KLHL5: variants seen among roughly 807,000 people sequenced by gnomAD.
KLHL5 encodes kelch-like protein 5.
KLHL5 carries 48 observed loss-of-function variants against 77.7 expected under a neutral mutation model. The ratio of observed to expected loss-of-function variants is 0.62; its 90% CI spans 0.49 to 0.79. The LOEUF is 0.79. Ranked by LOEUF, KLHL5 falls within the 30% of genes least tolerant of loss-of-function variation. The probability of loss-of-function intolerance (pLI) is 0.00; values close to 1 mark genes in which losing one functional copy is unlikely to be tolerated. For synonymous variants in KLHL5, 260 were observed against 297.0 expected (o/e 0.88, Z 1.28); for missense variants, 723 against 859.7 (o/e 0.84, Z 1.99).
chr4:39,088,898 AG>A (rs767027688), intron 5 of KLHL5, among the ~76,000 whole-genome samples: 66 of 152,286 alleles, frequency 4.3e-4, no homozygotes, highest in Non-Finnish European at 4.7e-4. Flanking sequence ...CAGAAATAAA[AG>A]GGGATAAAGT....
downstream of KLHL5, among the ~76,000 whole-genome samples, chr4:39,127,579 C>T (rs1325905662): frequency 6.6e-6 from 1 of 152,044 alleles, no homozygotes; most frequent in African/African-American, 2.4e-5. Context: ...CTCAGCCTCT[C>T]AGTAGCTGGG....
intron 2 of KLHL5, among the ~76,000 whole-genome samples, chr4:39,079,258 A>G (rs1719386600): frequency 6.6e-6 from 1 of 152,290 alleles, no homozygotes; most frequent in East Asian, 1.9e-4. Flanking sequence ...TACCTGAGTG[A>G]TCCTTTAAAG....
intron 7 of KLHL5, among the ~76,000 whole-genome samples, chr4:39,103,967 T>A (rs1231781340): frequency 1.0e-5 from 1 of 97,756 alleles, no homozygotes; most frequent in African/African-American, 4.2e-5. Flanking sequence ...TGGCAAAACA[T>A]CTATCTCAAA....
chr4:39,067,030 T>C (rs553207301), intron 1 of KLHL5, among the ~76,000 whole-genome samples: 1 of 152,358 alleles, frequency 6.6e-6, no homozygotes, highest in Admixed American at 6.5e-5. Context: ...ATTAATATGG[T>C]GCATGGGTTA....
At chr4:39,137,120 T>C in the KLHL5 span, among the ~76,000 whole-genome samples, 1 of 152,196 alleles carries the variant, frequency 6.6e-6, no homozygotes, top group Admixed American at 6.5e-5. Flanking sequence ...TTCGGCATAT[T>C]GTTGTAAACT....
chr4:39,137,112 C>A, the KLHL5 span, among the ~76,000 whole-genome samples: 1 of 151,988 alleles, frequency 6.6e-6, no homozygotes. Flanking sequence ...AATTGGAATT[C>A]GGCATATTGT....
At chr4:39,099,716 C>T (rs768962154) in intron 6 of KLHL5, among the ~76,000 whole-genome samples, 16 of 152,278 alleles carry the variant, frequency 1.1e-4, no homozygotes, top group Non-Finnish European at 1.9e-4. Flanking sequence ...AATAGCAACC[C>T]CCGACTACCA....
chr4:39,130,193 T>G (rs976931384), downstream of KLHL5, among the ~76,000 whole-genome samples: 1 of 152,202 alleles, frequency 6.6e-6, no homozygotes, highest in Admixed American at 6.6e-5. Flanking sequence ...CCCACATACT[T>G]ATTAACAGCA....
At chr4:39,102,307 G>GT (rs1051914839) in intron 6 of KLHL5, among the ~76,000 whole-genome samples, 171 of 144,540 alleles carry the variant, frequency 1.2e-3, no homozygotes, top group Middle Eastern at 7.4e-3. Context: ...AGAGGGTTTT[G>GT]TTTTTTTTGT....
At chr4:39,047,410 T>TC (rs1311731062) in intron 1 of KLHL5, among the ~76,000 whole-genome samples, 1 of 152,168 alleles carries the variant, frequency 6.6e-6, no homozygotes, top group Admixed American at 6.5e-5. Flanking sequence ...AGAGTGAGAC[T>TC]CCATCTCAAA....
chr4:39,091,050 C>T (rs1215823938), intron 5 of KLHL5, among the ~76,000 whole-genome samples: 2 of 148,248 alleles, frequency 1.3e-5, no homozygotes, highest in Admixed American at 6.8e-5. Flanking sequence ...TGCAGTGACA[C>T]GATCTCTGCT....
rs1237092996 is a variant in KLHL5, at chr4:39,082,132, G to T, written c.873G>T (p.Leu291Phe). 6.2e-7 allele frequency: 1 copy of T among 1,606,374 alleles called. No individual in the cohort carries two copies. The highest frequency in any genetic ancestry group is 1.1e-5 in the South Asian group (1 of 89,336). ...CTGATGCCCAAGGTTGTACAGATTTGCATAAAGTGGCTCACAATTATACTA... is the reference window on the plus strand; with the variant it reads ...CTGATGCCCAAGGTTGTACAGATTTTCATAAAGTGGCTCACAATTATACTA... The part of the protein sequence containing the change: ...SFADAQGCTD[L>F]HKVAHNYTME... The change falls in exon 4 of 11, where the codon TTG becomes TTT. Residue 291 changes from leucine to phenylalanine, a missense_variant. Leu to Phe is a conservative substitution (Grantham distance 22). This residue lies in a region of KLHL5 where 288 missense variants were observed against 400.3 expected (regional missense o/e 0.72). Coordinates refer to ENST00000504108, the MANE Select transcript of KLHL5 (RefSeq NM_015990.5).
chr4:39,069,430 TTATATATATA>T (rs60740721), intron 1 of KLHL5, among the ~76,000 whole-genome samples: 152 of 30,348 alleles, frequency 5.0e-3, no homozygotes, highest in East Asian at 7.8e-3. Context: ...TATTAACATT[TTATATATATA>T]TATATATATA....
chr4:39,066,037 C>T (rs1456876701), intron 1 of KLHL5, among the ~76,000 whole-genome samples: 1 of 152,172 alleles, frequency 6.6e-6, no homozygotes, highest in Non-Finnish European at 1.5e-5. Flanking sequence ...TCTTAGACTT[C>T]TGGTAATTTC....
chr4:39,082,676 A>G (rs1719718594), intron 4 of KLHL5, among the ~76,000 whole-genome samples: 1 of 152,348 alleles, frequency 6.6e-6, no homozygotes, highest in Non-Finnish European at 1.5e-5. Flanking sequence ...AGAGGTTCTG[A>G]TTCAGTAGCC....
In KLHL5 at chr4:39,125,555, A is replaced by T. The variant is rs764172591; in HGVS notation, c.*4489A>T. On this transcript the variant is annotated 3_prime_UTR_variant, in exon 11 of 11. Coordinates refer to ENST00000504108, the MANE Select transcript of KLHL5 (RefSeq NM_015990.5). The stretch of plus-strand genomic sequence containing the variant: ...ACTGATACATGCTAAAGCATGGATG[A>T]GCCTTGAGCGCATTTTTGCCAAGTG... Among the ~76,000 whole-genome samples the T allele has an allele frequency of 6.6e-6, 1 of 152,228 alleles. No individual in the cohort carries two copies. Among genetic ancestry groups the T allele is most frequent in the African/African-American group, 2.4e-5 (1 of 41,458 alleles).
At chr4:39,113,483 G>T (rs1722608316) in intron 9 of KLHL5, among the ~76,000 whole-genome samples, 1 of 152,168 alleles carries the variant, frequency 6.6e-6, no homozygotes, top group Non-Finnish European at 1.5e-5. Flanking sequence ...AAGAAGAGGA[G>T]CTTGATGAAT....
intron 7 of KLHL5, 104 bp from the exon 8 acceptor site, chr4:39,107,465 C>T (rs1176693010): frequency 3.4e-6 from 2 of 580,444 alleles, no homozygotes; most frequent in African/African-American, 4.3e-5. Flanking sequence ...TTACTCAGTT[C>T]TATTTGTATG....
At chr4:39,113,530 A>G (rs965172124) in intron 9 of KLHL5, among the ~76,000 whole-genome samples, 2 of 152,220 alleles carry the variant, frequency 1.3e-5, no homozygotes, top group African/African-American at 4.8e-5. Flanking sequence ...AGACTAAATA[A>G]AAAGCAAAAA....
Sources: gnomAD v4.1 joint callset for allele counts (sites outside exome capture counted in the v4.1 genomes callset) on GRCh38, gnomAD v4.1.1 for gene constraint, gnomAD v4.1.1 regional missense constraint, MANE v1.5 for transcripts, NCBI Gene and HGNC (gene_info 2026-07-23, HGNC 2026-07-21) for gene names.